RANBP2: variants seen among roughly 807,000 people sequenced by gnomAD.
RANBP2 encodes E3 SUMO-protein ligase RanBP2.
Under a neutral mutation model 303.6 loss-of-function variants are expected in RANBP2, and 57 were observed. That is an observed-to-expected ratio of 0.19 (90% CI 0.15 to 0.23). The LOEUF (loss-of-function observed/expected upper bound fraction) is 0.23. Among genes scored for constraint, RANBP2 ranks in the 10% least tolerant of loss-of-function variants. The pLI is 1.00. For missense variants in RANBP2, 3,138 were observed against 3,780.8 expected, an observed-to-expected ratio of 0.83 and a Z score of 4.46; for synonymous variants, 1,167 against 1,301.5, an observed-to-expected ratio of 0.90 and a Z score of 2.23.
At chr2:109,312,307 G>A in the RANBP2 span, among the ~76,000 whole-genome samples, 1 of 152,158 alleles carries the variant, frequency 6.6e-6, no homozygotes, top group Non-Finnish European at 1.5e-5. Context: ...CCCACTCGAG[G>A]TTGGCTTGCT....
the RANBP2 span, among the ~76,000 whole-genome samples, chr2:109,778,242 G>C: frequency 1.5e-5 from 2 of 135,916 alleles, no homozygotes; most frequent in Non-Finnish European, 1.6e-5. Flanking sequence ...TTGAGCTTCA[G>C]CTCCACTGTG....
chr2:109,031,675 T>A, the RANBP2 span, among the ~76,000 whole-genome samples: 2 of 152,152 alleles, frequency 1.3e-5, no homozygotes, highest in Admixed American at 1.3e-4. Context: ...GAGCGCCGCT[T>A]CAGCGTCGGC....
the RANBP2 span, among the ~76,000 whole-genome samples, chr2:109,051,583 T>C: frequency 6.6e-6 from 1 of 152,074 alleles, no homozygotes; most frequent in Non-Finnish European, 1.5e-5. Context: ...TTAGAAATAA[T>C]AAACCAAGAG....
At chr2:109,317,163 A>G in the RANBP2 span, among the ~76,000 whole-genome samples, 3 of 135,386 alleles carry the variant, frequency 2.2e-5, no homozygotes, top group African/African-American at 9.2e-5. Flanking sequence ...GTTTCATGAA[A>G]TGTTTTGTGG....
the RANBP2 span, among the ~76,000 whole-genome samples, chr2:109,437,927 A>G: frequency 6.6e-6 from 1 of 152,284 alleles, no homozygotes; most frequent in Admixed American, 6.5e-5. Flanking sequence ...TGCTGACATG[A>G]TGCCAAGTAC....
chr2:109,609,282 T>TA, the RANBP2 span, among the ~76,000 whole-genome samples: 1 of 151,986 alleles, frequency 6.6e-6, no homozygotes, highest in Non-Finnish European at 1.5e-5. Flanking sequence ...ACTTTCCATA[T>TA]AAAAAAATAA....
At chr2:109,144,920 C>T in the RANBP2 span, among the ~76,000 whole-genome samples, 18 of 152,340 alleles carry the variant, frequency 1.2e-4, no homozygotes, top group Non-Finnish European at 1.5e-4. Flanking sequence ...GCGGTGTGGA[C>T]ACTGCGCACT....
At chr2:109,657,180 A>G in the RANBP2 span, among the ~76,000 whole-genome samples, 1 of 152,106 alleles carries the variant, frequency 6.6e-6, no homozygotes, top group Non-Finnish European at 1.5e-5. Context: ...ACATCCTTGC[A>G]TTTCAACATG....
At chr2:109,400,382 A>G in the RANBP2 span, among the ~76,000 whole-genome samples, 2 of 152,070 alleles carry the variant, frequency 1.3e-5, no homozygotes, top group African/African-American at 2.4e-5. Context: ...ACACCTACAC[A>G]TATACACATG....
the RANBP2 span, among the ~76,000 whole-genome samples, chr2:108,855,249 A>G: frequency 6.6e-6 from 1 of 152,164 alleles, no homozygotes; most frequent in Non-Finnish European, 1.5e-5. Context: ...GAAACCAAAT[A>G]CAGTTTTTCT....
the RANBP2 span, among the ~76,000 whole-genome samples, chr2:109,370,666 G>A: frequency 1.3e-5 from 2 of 151,926 alleles, no homozygotes; most frequent in South Asian, 2.1e-4. Flanking sequence ...CCTGCCATTC[G>A]TCTCTGTGTC....
chr2:108,929,326 C>T, the RANBP2 span: 16 of 1,614,126 alleles, frequency 9.9e-6, no homozygotes, highest in East Asian at 1.3e-4. Context: ...AAAACTTCTC[C>T]GCCGGGCAGG....
the RANBP2 span, among the ~76,000 whole-genome samples, chr2:109,626,624 C>T: frequency 6.6e-6 from 1 of 152,148 alleles, no homozygotes; most frequent in Non-Finnish European, 1.5e-5. Flanking sequence ...GGTAAGGCTG[C>T]TGTGCAGACT....
the RANBP2 span, chr2:109,490,505 A>C: frequency 6.9e-5 from 70 of 1,012,348 alleles, no homozygotes; most frequent in African/African-American, 1.1e-3. Flanking sequence ...AGAAATTTAA[A>C]AATAAAGTTC....
Position 108,764,693 on chromosome 2 carries a change from T to C in RANBP2, c.4154T>C (p.Leu1385Pro), listed in dbSNP as rs2149274902. Reference sequence around the variant, plus strand: ...AATCTAAACCCAAGCAATAAAGAGCTCGTTGGCCCACCATTAGCTGAAACT... The same window carrying C: ...AATCTAAACCCAAGCAATAAAGAGCCCGTTGGCCCACCATTAGCTGAAACT... ...CQNLNPSNKE[L>P]VGPPLAETVF... Residue 1385 changes from leucine to proline, a missense_variant, in exon 20 of 29, where the codon CTC becomes CCC. Physicochemically the swap from Leu to Pro is moderately conservative, Grantham distance 98 (BLOSUM62 -3). This residue lies in a region of RANBP2 where 388 missense variants were observed against 328.5 expected (regional missense o/e 1.18). Coordinates refer to ENST00000283195, the MANE Select transcript of RANBP2 (RefSeq NM_006267.5). The C allele has an allele frequency of 6.2e-7, 1 of 1,613,960 alleles. No individual in the cohort carries two copies.
At chr2:109,033,219 C>G in the RANBP2 span, among the ~76,000 whole-genome samples, 7 of 152,292 alleles carry the variant, frequency 4.6e-5, no homozygotes, top group African/African-American at 1.7e-4. Flanking sequence ...TTTAATTTTG[C>G]ATTCAGCCTC....
At chr2:109,592,886 C>A in the RANBP2 span, among the ~76,000 whole-genome samples, 1 of 151,568 alleles carries the variant, frequency 6.6e-6, no homozygotes, top group South Asian at 2.1e-4. Flanking sequence ...TTATTCAATC[C>A]ATCATCGACT....
chr2:109,010,779 G>A, the RANBP2 span, among the ~76,000 whole-genome samples: 1 of 152,160 alleles, frequency 6.6e-6, no homozygotes, highest in Non-Finnish European at 1.5e-5. Flanking sequence ...TATTGTGATG[G>A]CATTTCTCTT....
At chr2:109,054,884 A>C in the RANBP2 span, among the ~76,000 whole-genome samples, 1 of 152,156 alleles carries the variant, frequency 6.6e-6, no homozygotes, top group African/African-American at 2.4e-5. Flanking sequence ...GAAGTCATGC[A>C]CATGGGACAG....
Sources: gnomAD v4.1 joint callset for allele counts (sites outside exome capture counted in the v4.1 genomes callset) on GRCh38, gnomAD v4.1.1 for gene constraint, gnomAD v4.1.1 regional missense constraint, MANE v1.5 for transcripts, NCBI Gene and HGNC (gene_info 2026-07-23, HGNC 2026-07-21) for gene names.